Variants in ZNF407 observed in about 807,000 individuals in gnomAD.
ZNF407 encodes zinc finger protein 407.
In ZNF407, 17 loss-of-function variants were observed where a neutral mutation model predicts 131.2. The ratio of observed to expected loss-of-function variants is 0.13; its 90% CI spans 0.09 to 0.19. The LOEUF (loss-of-function observed/expected upper bound fraction) is 0.19, where lower values mean the gene tolerates loss of function less well. Ranked by LOEUF, ZNF407 falls within the 10% of genes least tolerant of loss-of-function variation. The probability of loss-of-function intolerance (pLI) is 1.00; values close to 1 mark genes in which losing one functional copy is unlikely to be tolerated. For missense variants in ZNF407, 2,681 were observed against 2,830.6 expected, an observed-to-expected ratio of 0.95 and a Z score of 1.20; for synonymous variants, 1,156 against 1,062.0, an observed-to-expected ratio of 1.09 and a Z score of -1.72.
At chr18:75,062,995 C>T in intron 8 of ZNF407, 155 bp from the exon 9 acceptor site, 3 of 660,700 alleles carry the variant, frequency 4.5e-6, no homozygotes, top group Non-Finnish European at 7.6e-6. Flanking sequence ...GGCCTCTGGC[C>T]CTGCTGAAGC....
chr18:74,957,222 T>G (rs532710225), intron 8 of ZNF407, among the ~76,000 whole-genome samples: 12 of 152,172 alleles, frequency 7.9e-5, no homozygotes, highest in African/African-American at 2.7e-4. Flanking sequence ...CCCGTGAGGT[T>G]GTCGTTCTTC....
chr18:74,656,273 C>T lies in ZNF407; in HGVS notation c.4802+15151C>T, dbSNP rs1985452192. Among the ~76,000 whole-genome samples, 4 of 152,104 alleles carry T rather than the reference C, an allele frequency of 2.6e-5. No individual in the cohort carries two copies. The South Asian group carries it at 6.2e-4, about 24-fold the overall frequency. Reference sequence around the variant, plus strand: ...ACATAAAAATAACTGATTTATTTTTCTAAGACACTAACATATTAATGTGAG... The same window carrying T: ...ACATAAAAATAACTGATTTATTTTTTTAAGACACTAACATATTAATGTGAG... On this transcript the variant is annotated intron_variant, in intron 3 of 8. Transcript: ENST00000299687.
In ZNF407 at chr18:75,002,530, C is replaced by T. The variant is rs563171765; in HGVS notation, c.5429-60620C>T. ...CTTAGAAAGAGGTCAGGGCCGGGCG[C>T]GGTGGCTGACGCCTGTAATCCCAGC... On this transcript the variant is annotated intron_variant, in intron 8 of 8. Coordinates refer to ENST00000299687, the MANE Select transcript of ZNF407 (RefSeq NM_017757.3). Among the ~76,000 whole-genome samples the T allele has an allele frequency of 1.4e-3, 210 of 152,258 alleles. 2 individuals are homozygous for T. Among genetic ancestry groups the T allele is most frequent in the Middle Eastern group, 6.8e-3 (2 of 294 alleles).
chr18:75,034,456 A>T (rs1973283080), intron 8 of ZNF407, among the ~76,000 whole-genome samples: 1 of 151,762 alleles, frequency 6.6e-6, no homozygotes, highest in Non-Finnish European at 1.5e-5. Flanking sequence ...GGTGCGCGCC[A>T]CCATGCCCGG....
chr18:74,944,998 C>T (rs1972139325), intron 8 of ZNF407, among the ~76,000 whole-genome samples: 1 of 152,040 alleles, frequency 6.6e-6, no homozygotes, highest in Non-Finnish European at 1.5e-5. Flanking sequence ...CTTGGTTTAC[C>T]CATAACAGCC....
chr18:74,856,373 C>T (rs996589150), intron 4 of ZNF407, among the ~76,000 whole-genome samples: 11 of 152,190 alleles, frequency 7.2e-5, no homozygotes, highest in Admixed American at 5.9e-4. Flanking sequence ...TCCTCTCACG[C>T]TATAAATTCC....
chr18:74,844,301 AC>A (rs940468170), intron 4 of ZNF407, among the ~76,000 whole-genome samples: 1 of 152,082 alleles, frequency 6.6e-6, no homozygotes, highest in Non-Finnish European at 1.5e-5. Flanking sequence ...GAGCTGGAGC[AC>A]CCTTGAGCAC....
intron 3 of ZNF407, among the ~76,000 whole-genome samples, chr18:74,704,784 GT>G (rs972521282): frequency 1.3e-5 from 2 of 152,136 alleles, no homozygotes; most frequent in Admixed American, 6.5e-5. Flanking sequence ...GTGTCTTGGT[GT>G]TTTTTAGAGA....
intron 4 of ZNF407, among the ~76,000 whole-genome samples, chr18:74,796,803 G>C (rs1164387844): frequency 6.6e-6 from 1 of 152,156 alleles, no homozygotes; most frequent in Non-Finnish European, 1.5e-5. Flanking sequence ...TTTTCTGACA[G>C]TCCTTGAGAC....
intron 4 of ZNF407, among the ~76,000 whole-genome samples, chr18:74,814,400 C>T (rs1482584600): frequency 6.6e-6 from 1 of 152,204 alleles, no homozygotes; most frequent in Non-Finnish European, 1.5e-5. Flanking sequence ...GCTGTAGTTA[C>T]AGGCATTAGT....
rs537037268 is a variant in ZNF407 at position 74,602,753 on chromosome 18, C to T, written c.-54+4816C>T. Among the ~76,000 whole-genome samples the T allele has an allele frequency of 3.4e-3, 524 of 152,290 alleles. 3 individuals carry two copies. Among genetic ancestry groups the T allele is most frequent in the Non-Finnish European group, 4.8e-3 (327 of 68,030 alleles). On this transcript the variant is annotated intron_variant, in intron 1 of 8. Coordinates refer to ENST00000299687, the MANE Select transcript of ZNF407 (RefSeq NM_017757.3). ...ATTTTTAGTCACTAAGTTACATTACCTTCTACAGTATTTTAGCATTGATTC... is the reference window on the plus strand; with the variant it reads ...ATTTTTAGTCACTAAGTTACATTACTTTCTACAGTATTTTAGCATTGATTC...
intron 3 of ZNF407, among the ~76,000 whole-genome samples, chr18:74,726,896 C>T (rs149109068): frequency 3.7e-4 from 56 of 152,160 alleles, no homozygotes; most frequent in African/African-American, 1.1e-3. Flanking sequence ...TGCAGTATTT[C>T]GGTGCATCTT....
rs1220880321 is a variant in ZNF407, at chr18:74,755,743, T to TTCTTTCTTTCTTTCTTTCTC, written c.4803-25666_4803-25665insCTCTTTCTTTCTTTCTTTCT. 2.6e-5 allele frequency among the ~76,000 whole-genome samples: 3 copies of TTCTTTCTTTCTTTCTTTCTC among 115,874 alleles called. No homozygotes were observed. In the East Asian group the frequency reaches 7.2e-4, roughly 28 times the overall value. The allele number at this position is 115,874 out of a possible 152,430, so 76.0% of individuals were successfully genotyped here. A position where few individuals can be genotyped will look rare whatever the true frequency, so the allele number is the denominator to read the frequency against. On this transcript the variant is annotated intron_variant, in intron 3 of 8. Coordinates refer to ENST00000299687, the MANE Select transcript of ZNF407 (RefSeq NM_017757.3). ...TTCTTTCTTTCCTTTCTTTCTTTCT[T>TTCTTTCTTTCTTTCTTTCTC]TCTTTCTTTCTTTCTTTCTTTCTTT...
chr18:74,682,380 C>T (rs995111843), intron 3 of ZNF407, among the ~76,000 whole-genome samples: 5 of 152,138 alleles, frequency 3.3e-5, no homozygotes, highest in African/African-American at 9.7e-5. Context: ...GATTGTCCTC[C>T]CTTTTTTCTA....
intron 4 of ZNF407, among the ~76,000 whole-genome samples, chr18:74,859,382 A>G (rs1337694939): frequency 1.3e-5 from 2 of 152,152 alleles, no homozygotes; most frequent in Non-Finnish European, 2.9e-5. Context: ...GCTAAATGTT[A>G]GTATTTAACG....
intron 8 of ZNF407, among the ~76,000 whole-genome samples, chr18:74,962,620 A>G (rs1972359573): frequency 6.6e-6 from 1 of 152,176 alleles, no homozygotes; most frequent in African/African-American, 2.4e-5. Flanking sequence ...CAAATATGCC[A>G]TGCCCAGTCC....
chr18:74,694,720 T>G (rs1182026974), intron 3 of ZNF407, among the ~76,000 whole-genome samples: 1 of 152,220 alleles, frequency 6.6e-6, no homozygotes, highest in East Asian at 1.9e-4. Flanking sequence ...TCTCGTCCTA[T>G]TCTGTGCATT....
Position 75,064,188 on chromosome 18 carries a change from T to A in ZNF407, c.6467T>A (p.Val2156Glu). The A allele has an allele frequency of 6.2e-7, 1 of 1,604,268 alleles. No homozygotes were observed. Residue 2156 changes from valine to glutamate, a missense_variant, in exon 9 of 9, where the codon GTG (valine) becomes GAG (glutamate). By Grantham distance (121) the Val-to-Glu change is moderately radical. Transcript: ENST00000299687. ...ACGGAGGAGCTGGTCCAGGCCATGG[T>A]GCAGGAGTCCAGTGGCGGCTTCTCC... ...IVTEELVQAMVQESSGGFSEG... is the reference protein window; with the variant it reads ...IVTEELVQAMEQESSGGFSEG...
At chr18:74,887,647 T>C (rs542551124) in intron 6 of ZNF407, among the ~76,000 whole-genome samples, 1 of 152,298 alleles carries the variant, frequency 6.6e-6, no homozygotes, top group South Asian at 2.1e-4. Flanking sequence ...CAGAGACGTG[T>C]TGACAATTAT....
Sources: allele counts gnomAD v4.1 joint callset (sites outside exome capture counted in the v4.1 genomes callset), GRCh38; gene constraint gnomAD v4.1.1; transcripts MANE v1.5; gene names NCBI Gene and HGNC (gene_info 2026-07-23, HGNC 2026-07-21).